The following ZC3H12B variants were observed in gnomAD, a reference collection of about 807,000 sequenced individuals.
ZC3H12B encodes the protein probable ribonuclease ZC3H12B.
In ZC3H12B, 7 loss-of-function variants were observed where a neutral mutation model predicts 43.9. That is an observed-to-expected ratio of 0.16 (90% confidence interval 0.09 to 0.30). ZC3H12B has a LOEUF of 0.30. Ranked by LOEUF, ZC3H12B falls within the 10% of genes least tolerant of loss-of-function variation. The pLI is 1.00. For synonymous variants in ZC3H12B, 222 were observed against 241.7 expected, an observed-to-expected ratio of 0.92 and a Z score of 0.76; for missense variants, 475 against 670.2, an observed-to-expected ratio of 0.71 and a Z score of 3.22.
the ZC3H12B span, among the ~76,000 whole-genome samples, chrX:65,198,706 C>G: frequency 5.4e-5 from 6 of 111,889 alleles, no homozygotes; most frequent in Admixed American, 4.8e-4. Flanking sequence ...GCTTGCTGTT[C>G]TATAACCTTC....
At chrX:65,075,061 T>G in the ZC3H12B span, among the ~76,000 whole-genome samples, 1 of 112,192 alleles carries the variant, frequency 8.9e-6, no homozygotes, top group Non-Finnish European at 1.9e-5. Flanking sequence ...CCTCACCAAA[T>G]CTTTATAGAT....
the ZC3H12B span, among the ~76,000 whole-genome samples, chrX:65,178,386 T>C: frequency 8.9e-6 from 1 of 111,745 alleles, no homozygotes; most frequent in Non-Finnish European, 1.9e-5. Flanking sequence ...CCAAAAGCAA[T>C]GACAACAAAA....
At chrX:65,199,479 G>A in the ZC3H12B span, among the ~76,000 whole-genome samples, 7 of 110,398 alleles carry the variant, frequency 6.3e-5, no homozygotes, top group Non-Finnish European at 3.8e-5. Flanking sequence ...ACATGAGCAG[G>A]ATGTGCAGGT....
chrX:65,191,798 C>T, the ZC3H12B span, among the ~76,000 whole-genome samples: 1 of 108,414 alleles, frequency 9.2e-6, no homozygotes, highest in African/African-American at 3.4e-5. Flanking sequence ...GTCTCTATTT[C>T]CTTCAGTTCT....
chrX:65,047,976 G>C, the ZC3H12B span, among the ~76,000 whole-genome samples: 4 of 110,979 alleles, frequency 3.6e-5, no homozygotes, highest in Admixed American at 3.8e-4. Context: ...TGAGTGTACA[G>C]TACAGTATTA....
At chrX:65,352,321 G>T in the ZC3H12B span, among the ~76,000 whole-genome samples, 1 of 111,416 alleles carries the variant, frequency 9.0e-6, no homozygotes, top group South Asian at 3.8e-4. Context: ...TGTCCCGGGG[G>T]TGGGAGGCTA....
At chrX:65,348,632 A>T in the ZC3H12B span, among the ~76,000 whole-genome samples, 2 of 109,261 alleles carry the variant, frequency 1.8e-5, no homozygotes, top group African/African-American at 3.3e-5. Context: ...ACATGCAAAG[A>T]CACACATAGG....
the ZC3H12B span, among the ~76,000 whole-genome samples, chrX:65,164,443 T>C: frequency 9.0e-6 from 1 of 111,677 alleles, no homozygotes; most frequent in South Asian, 3.8e-4. Flanking sequence ...AGGGAGGATA[T>C]AACTCTTGTG....
chrX:65,131,623 A>G, the ZC3H12B span, among the ~76,000 whole-genome samples: 2 of 111,618 alleles, frequency 1.8e-5, no homozygotes, highest in African/African-American at 6.5e-5. Context: ...AGTTTATGTA[A>G]TGGTTTAGTC....
chrX:65,121,394 A>G, the ZC3H12B span, among the ~76,000 whole-genome samples: 1 of 111,343 alleles, frequency 9.0e-6, no homozygotes, highest in African/African-American at 3.3e-5. Context: ...TGCATGTGTC[A>G]AGGAATTTAT....
chrX:65,397,888 A>T (rs1167326037), intron 2 of ZC3H12B, among the ~76,000 whole-genome samples: 3 of 112,031 alleles, frequency 2.7e-5, no homozygotes, highest in Non-Finnish European at 3.8e-5. Context: ...AAACCCAGAG[A>T]CTTTACCAAA....
the ZC3H12B span, among the ~76,000 whole-genome samples, chrX:65,317,839 T>TA: frequency 9.9e-6 from 1 of 101,123 alleles, no homozygotes; most frequent in African/African-American, 3.6e-5. Flanking sequence ...ACTGTATATA[T>TA]ACACGCACAC....
the ZC3H12B span, among the ~76,000 whole-genome samples, chrX:65,105,003 C>G: frequency 6.3e-5 from 7 of 111,527 alleles, no homozygotes; most frequent in Non-Finnish European, 9.4e-5. Flanking sequence ...TGGAGCCAAC[C>G]CAAATGCCCA....
the ZC3H12B span, among the ~76,000 whole-genome samples, chrX:65,203,120 A>G: frequency 9.0e-6 from 1 of 111,546 alleles, no homozygotes; most frequent in Admixed American, 9.5e-5. Context: ...CAAGCCTTGA[A>G]CTTTCTCTTC....
At chrX:65,042,605 G>A in the ZC3H12B span, among the ~76,000 whole-genome samples, 1 of 112,051 alleles carries the variant, frequency 8.9e-6, no homozygotes, top group African/African-American at 3.2e-5. Context: ...TGAAACTGAA[G>A]CAGAAATGCT....
the ZC3H12B span, among the ~76,000 whole-genome samples, chrX:65,184,747 A>G: frequency 8.9e-6 from 1 of 111,759 alleles, no homozygotes; most frequent in East Asian, 2.8e-4. Context: ...TGTATACAAC[A>G]TGGTACAGAA....
chrX:65,443,701 G>A (rs1466970908), intron 3 of ZC3H12B, among the ~76,000 whole-genome samples: 5 of 112,327 alleles, frequency 4.5e-5, no homozygotes, highest in African/African-American at 1.3e-4. Context: ...GGCGGGCCAG[G>A]TGTTCCTTGC....
chrX:65,073,930 C>T, the ZC3H12B span, among the ~76,000 whole-genome samples: 2 of 112,024 alleles, frequency 1.8e-5, no homozygotes, highest in East Asian at 2.8e-4. Flanking sequence ...TAGTGCCGTA[C>T]CTCTGAAGAT....
chrX:65,183,642 T>C, the ZC3H12B span, among the ~76,000 whole-genome samples: 1 of 112,041 alleles, frequency 8.9e-6, no homozygotes, highest in Non-Finnish European at 1.9e-5. Flanking sequence ...ATTGGTGAGA[T>C]ACTTATCTTT....
Sources: gnomAD v4.1 joint callset for allele counts (sites outside exome capture counted in the v4.1 genomes callset) on GRCh38, gnomAD v4.1.1 for gene constraint, MANE v1.5 for transcripts, NCBI Gene and HGNC (gene_info 2026-07-23, HGNC 2026-07-21) for gene names.